Variants in NAV2 observed in about 807,000 individuals in gnomAD.
NAV2 encodes neuron navigator 2.
In NAV2, 54 loss-of-function variants were observed where a neutral mutation model predicts 223.2. That is an observed-to-expected ratio of 0.24 (90% CI 0.19 to 0.30). NAV2 has a LOEUF of 0.30. Ranked by LOEUF, NAV2 falls within the 10% of genes least tolerant of loss-of-function variation. NAV2 has a pLI of 1.00. For missense variants in NAV2, 2,806 were observed against 3,147.5 expected (o/e 0.89, Z 2.60); for synonymous variants, 1,279 against 1,239.3 (o/e 1.03, Z -0.67).
intron 1 of NAV2, among the ~76,000 whole-genome samples, chr11:19,425,931 T>C (rs555573289): frequency 6.6e-6 from 1 of 152,298 alleles, no homozygotes; most frequent in South Asian, 2.1e-4. Context: ...GGTGAGATTG[T>C]TTTCTTATCT....
At chr11:19,913,733 G>A (rs1407051712) in intron 6 of NAV2, among the ~76,000 whole-genome samples, 1 of 144,702 alleles carries the variant, frequency 6.9e-6, no homozygotes, top group African/African-American at 2.7e-5. Flanking sequence ...CACGCACTCT[G>A]GGCCTTAGAT....
rs369471140 is a variant in NAV2, at chr11:19,520,557, T to C, written c.75+169530T>C. On this transcript the variant is annotated intron_variant, in intron 1 of 37. Transcript: ENST00000360655. Reference sequence around the variant, plus strand: ...TTTCCATTCAGTGACAGCTCCTTCCTGCCCCAAGCTCTATGCAAATGCTGT... The same window carrying C: ...TTTCCATTCAGTGACAGCTCCTTCCCGCCCCAAGCTCTATGCAAATGCTGT... Among the ~76,000 whole-genome samples, 367 of 152,330 alleles carry C rather than the reference T, an allele frequency of 2.4e-3. 1 individual carries two copies. Among genetic ancestry groups the C allele is most frequent in the African/African-American group, 8.3e-3 (347 of 41,582 alleles).
rs146775833 is a variant in NAV2 at position 19,878,666 on chromosome 11, A to G, written c.512-1203A>G. Among the ~76,000 whole-genome samples the G allele has an allele frequency of 2.1e-4, 32 of 152,324 alleles. No homozygotes were observed. The East Asian group carries it at 3.1e-3, about 15-fold the overall frequency. ...CAGAGCCTGGAGAAAGGGATGCTCC[A>G]AGGGAAATAATTCAGCCTGACCTAA... On this transcript the variant is annotated intron_variant, in intron 4 of 37. Transcript: ENST00000349880.
intron 6 of NAV2, chr11:19,931,722 G>T (rs1213479514): frequency 6.6e-6 from 1 of 152,206 alleles, no homozygotes; most frequent in Admixed American, 6.5e-5. Context: ...GTGACAATTG[G>T]AAGGGCAGCC....
chr11:19,353,239 G>A (rs1853428956), intron 1 of NAV2, among the ~76,000 whole-genome samples: 1 of 152,206 alleles, frequency 6.6e-6, no homozygotes, highest in Non-Finnish European at 1.5e-5. Context: ...TGTGAGATAA[G>A]TCAAGAGACA....
chr11:19,944,000 C>G (rs1328762840), intron 8 of NAV2, among the ~76,000 whole-genome samples: 1 of 151,990 alleles, frequency 6.6e-6, no homozygotes, highest in African/African-American at 2.4e-5. Context: ...GAGTTCAAGA[C>G]CAGCCTGGCC....
At chr11:19,417,009 G>A (rs1055501317) in intron 1 of NAV2, among the ~76,000 whole-genome samples, 1 of 152,138 alleles carries the variant, frequency 6.6e-6, no homozygotes, top group Non-Finnish European at 1.5e-5. Context: ...GAAAACCTAG[G>A]CAATACCATT....
intron 1 of NAV2, among the ~76,000 whole-genome samples, chr11:19,617,331 G>A (rs566528438): frequency 1.3e-5 from 2 of 152,148 alleles, no homozygotes; most frequent in Non-Finnish European, 2.9e-5. Context: ...GCTGGAGTAG[G>A]GGTAGGTTGG....
At chr11:19,705,388 T>C (rs2049632086) in intron 1 of NAV2, among the ~76,000 whole-genome samples, 1 of 152,214 alleles carries the variant, frequency 6.6e-6, no homozygotes, top group African/African-American at 2.4e-5. Flanking sequence ...ATACTTATCT[T>C]TTATTTACAT....
rs538681999 is a variant in NAV2, at chr11:19,528,548, T to A, written c.75+177521T>A. Among the ~76,000 whole-genome samples the A allele has an allele frequency of 4.6e-5, 7 of 152,256 alleles. No individual in the cohort carries two copies. In the South Asian group the frequency reaches 6.2e-4, roughly 14 times the overall value. On this transcript the variant is annotated intron_variant, in intron 1 of 37. Coordinates refer to the NAV2 transcript ENST00000360655. ...GGTGGGCAGAGGCGGCTGGAAGGCA[T>A]TTGCCAGCTCCCTTCCAAAATGAAG...
intron 1 of NAV2, among the ~76,000 whole-genome samples, chr11:19,806,562 G>A (rs1324795651): frequency 3.9e-5 from 6 of 152,206 alleles, no homozygotes; most frequent in Non-Finnish European, 8.8e-5. Flanking sequence ...AACCTTGGTC[G>A]AATGTCAGCT....
At chr11:19,760,488 A>G (rs552197094) in intron 1 of NAV2, among the ~76,000 whole-genome samples, 89 of 152,302 alleles carry the variant, frequency 5.8e-4, no homozygotes, top group African/African-American at 2.0e-3. Context: ...CACACCAACC[A>G]TCGACTCACA....
Position 19,644,555 on chromosome 11 carries a change from G to A in NAV2, c.76-187929G>A, listed in dbSNP as rs549653187. Among the ~76,000 whole-genome samples, 22 of 152,358 alleles carry A rather than the reference G, an allele frequency of 1.4e-4. 1 individual carries two copies. The highest frequency in any genetic ancestry group is 5.3e-4 in the African/African-American group (22 of 41,574). ...GCTTGTGATCCAACCATTCCTGTGGGTTCCTTTGCTTTGAGGATCCCTCAG... is the reference window on the plus strand; with the variant it reads ...GCTTGTGATCCAACCATTCCTGTGGATTCCTTTGCTTTGAGGATCCCTCAG... On this transcript the variant is annotated intron_variant, in intron 1 of 37. Transcript: ENST00000360655.
chr11:19,500,893 G>T (rs1299612213), intron 1 of NAV2, among the ~76,000 whole-genome samples: 4 of 152,174 alleles, frequency 2.6e-5, no homozygotes, highest in African/African-American at 9.7e-5. Flanking sequence ...TACAAACATA[G>T]TGGCTTAAAT....
chr11:19,588,770 C>G (rs1192285622), intron 1 of NAV2, among the ~76,000 whole-genome samples: 1 of 152,134 alleles, frequency 6.6e-6, no homozygotes, highest in Admixed American at 6.5e-5. Flanking sequence ...GTAGCTATCT[C>G]TAAGAAAAAA....
chr11:19,951,772 A>G (rs1472506502), intron 10 of NAV2, among the ~76,000 whole-genome samples: 1 of 152,230 alleles, frequency 6.6e-6, no homozygotes, highest in African/African-American at 2.4e-5. Flanking sequence ...TTTGCTTAAA[A>G]GCACCGATGT....
intron 1 of NAV2, among the ~76,000 whole-genome samples, chr11:19,821,731 T>C (rs950622119): frequency 6.6e-6 from 1 of 152,208 alleles, no homozygotes; most frequent in Non-Finnish European, 1.5e-5. Flanking sequence ...AAGTGTCAGC[T>C]CCCCTCTTGG....
chr11:19,487,160 G>A (rs1018356459), intron 1 of NAV2, among the ~76,000 whole-genome samples: 2 of 152,250 alleles, frequency 1.3e-5, no homozygotes. Context: ...TCTGAGCCTG[G>A]GTCTGAAGCA....
chr11:19,586,264 C>T (rs1438326235), intron 1 of NAV2, among the ~76,000 whole-genome samples: 1 of 152,098 alleles, frequency 6.6e-6, no homozygotes. Flanking sequence ...ATTGGTTATT[C>T]TAGTTAGCCA....
Sources: allele counts gnomAD v4.1 joint callset (sites outside exome capture counted in the v4.1 genomes callset), GRCh38; gene constraint gnomAD v4.1.1; transcripts MANE v1.5; gene names NCBI Gene and HGNC (gene_info 2026-07-23, HGNC 2026-07-21).